AQR: variants seen among roughly 807,000 people sequenced by gnomAD.
AQR encodes RNA helicase aquarius.
AQR carries 61 observed loss-of-function variants against 180.5 expected under a neutral mutation model. The ratio of observed to expected loss-of-function variants is 0.34; its 90% CI spans 0.28 to 0.42. AQR has a LOEUF of 0.42. Ranked by LOEUF, AQR falls within the 10% of genes least tolerant of loss-of-function variation. AQR has a pLI of 1.00. For synonymous variants in AQR, 551 were observed against 588.8 expected, an observed-to-expected ratio of 0.94 and a Z score of 0.93; for missense variants, 1,281 against 1,798.3, an observed-to-expected ratio of 0.71 and a Z score of 5.20.
intron 13 of AQR, among the ~76,000 whole-genome samples, chr15:34,921,488 C>T (rs1247141507): frequency 6.7e-6 from 1 of 149,676 alleles, no homozygotes; most frequent in Non-Finnish European, 1.5e-5. Flanking sequence ...GGACAAATGG[C>T]CAATTTTTTT....
Position 34,890,329 on chromosome 15 carries a change from A to G in AQR, c.2572-5T>C, listed in dbSNP as rs759267649. 9.9e-6 allele frequency: 16 copies of G among 1,610,378 alleles called. No individual in the cohort carries two copies. The South Asian group carries it at 1.6e-4, about 16-fold the overall frequency. On this transcript the variant is annotated splice_polypyrimidine_tract_variant and splice_region_variant and intron_variant, in intron 23 of 34. Transcript: ENST00000156471. The stretch of plus-strand genomic sequence containing the variant: ...CTCAAACAACTGGTTTAGGGCCTAG[A>G]CAATAAAGCAAGAAGGGTGACGGCA...
intron 34 of AQR, 28 bp from the exon 35 acceptor site, chr15:34,857,134 A>C (rs1220689775): frequency 4.6e-6 from 7 of 1,513,418 alleles, no homozygotes; most frequent in African/African-American, 1.4e-5. Flanking sequence ...AACAAAGACA[A>C]TACCAATATG....
chr15:34,889,203 T>C (rs973901889), intron 24 of AQR, among the ~76,000 whole-genome samples: 2 of 152,208 alleles, frequency 1.3e-5, no homozygotes, highest in Non-Finnish European at 2.9e-5. Context: ...TCAAAAGTAT[T>C]ACTGGCTAAT....
At chr15:34,943,453 A>G in intron 6 of AQR, 1 of 463,306 alleles carries the variant, frequency 2.2e-6, no homozygotes, top group Admixed American at 4.0e-5. Context: ...CAAAATAAAT[A>G]AATAAATAAA....
At chr15:34,902,676 A>C (rs984644556) in intron 19 of AQR, among the ~76,000 whole-genome samples, 11 of 152,154 alleles carry the variant, frequency 7.2e-5, no homozygotes, top group Non-Finnish European at 1.3e-4. Flanking sequence ...AGTCAAACAA[A>C]TGAATATAAG....
rs746337676 is a variant in AQR at position 34,934,583 on chromosome 15, C to T, written c.771G>A (p.Met257Ile). The change falls in exon 10 of 35, where the codon ATG becomes ATA. Residue 257 changes from methionine to isoleucine, a missense_variant. Met to Ile is a conservative substitution (Grantham distance 10). Transcript: ENST00000156471. The stretch of plus-strand genomic sequence containing the variant: ...GTAGATTTCTTACCTCTAGATCAAT[C>T]ATAAGTTCAATGAATCTTTCACAGT... ...VHYCERFIEL[M>I]IDLEALLPTR... 5.8e-5 allele frequency: 92 copies of T among 1,593,392 alleles called. No homozygotes were observed. In the Middle Eastern group the frequency reaches 1.9e-3, roughly 33 times the overall value.
chr15:34,960,499 T>C (rs1251579066), intron 3 of AQR, among the ~76,000 whole-genome samples: 2 of 152,178 alleles, frequency 1.3e-5, no homozygotes, highest in Middle Eastern at 3.2e-3. Flanking sequence ...TCAGAAATAA[T>C]ACTAGTAATA....
intron 16 of AQR, among the ~76,000 whole-genome samples, chr15:34,912,196 C>G (rs1893511237): frequency 6.6e-6 from 1 of 152,108 alleles, no homozygotes; most frequent in African/African-American, 2.4e-5. Context: ...AATTTGAAAT[C>G]AGGAAGTATG....
Position 34,918,288 on chromosome 15 carries a change from T to A in AQR, c.1312A>T (p.Ile438Phe). The change falls in exon 15 of 35, where the codon ATT becomes TTT. Residue 438 changes from isoleucine (I) to phenylalanine (F), a missense_variant. Physicochemically the swap from Ile to Phe is conservative, Grantham distance 21. This residue lies in a region of AQR where 200 missense variants were observed against 293.4 expected (regional missense o/e 0.68). Transcript: ENST00000156471. ...CCAGAATAGTACTCAGTTGGGACAATATTTTCATCCCATATAATTTTCTCA... is the reference window on the plus strand; with the variant it reads ...CCAGAATAGTACTCAGTTGGGACAAAATTTTCATCCCATATAATTTTCTCA... ...PTEKIIWDEN[I>F]VPTEYYSGEG... 6.2e-7 allele frequency: 1 copy of A among 1,613,678 alleles called. No homozygotes were observed. The highest frequency in any genetic ancestry group is 8.5e-7 in the Non-Finnish European group (1 of 1,179,762).
At chr15:34,909,057 A>G (rs572170445) in intron 17 of AQR, among the ~76,000 whole-genome samples, 33 of 152,352 alleles carry the variant, frequency 2.2e-4, no homozygotes, top group African/African-American at 7.9e-4. Context: ...CATAAACTAT[A>G]CCCGCTACAG....
chr15:34,892,470 T>C (rs1443958805), intron 23 of AQR, among the ~76,000 whole-genome samples: 1 of 152,190 alleles, frequency 6.6e-6, no homozygotes, highest in African/African-American at 2.4e-5. Context: ...TCCAAATATC[T>C]AACCATATAT....
Position 34,956,174 on chromosome 15 carries a change from TCATAATAAA to T in AQR, c.174-3263_174-3255del, listed in dbSNP as rs1894312971. Among the ~76,000 whole-genome samples, 7 of 152,136 alleles carry T rather than the reference TCATAATAAA, an allele frequency of 4.6e-5. No homozygotes were observed. The South Asian group carries it at 1.4e-3, about 32-fold the overall frequency. ...TTCATGCTGTTTTCTGTGTTACATTTCATAATAAAAGAGTCCATACATTTCAAATAAAAA... is the reference window on the plus strand; with the variant it reads ...TTCATGCTGTTTTCTGTGTTACATTTAGAGTCCATACATTTCAAATAAAAA... On this transcript the variant is annotated intron_variant, in intron 3 of 34. Coordinates refer to ENST00000156471, the MANE Select transcript of AQR (RefSeq NM_014691.3).
At chr15:34,858,349 A>G (rs1166230244) in intron 34 of AQR, among the ~76,000 whole-genome samples, 1 of 151,238 alleles carries the variant, frequency 6.6e-6, no homozygotes, top group African/African-American at 2.4e-5. Context: ...AAAGAAAACG[A>G]AAAAGAAAAA....
At position 34,960,625 on chromosome 15, in the gene AQR, C is replaced by T. The variant is rs368008822; in HGVS notation, c.173+149G>A. 18 of 473,206 alleles carry T rather than the reference C, an allele frequency of 3.8e-5. 2 individuals carry two copies. Among genetic ancestry groups the T allele is most frequent in the East Asian group, 1.2e-4 (2 of 17,246 alleles). 29.3% of individuals were successfully genotyped at this position (473,206 alleles called of 1,614,324 possible). A position where few individuals can be genotyped will look rare whatever the true frequency, so the allele number is the denominator to read the frequency against. ...AGGCAAAAAATAATTTATGACTCTT[C>T]AGCACCTAAAGTTTTTCTAGTCACC... On this transcript the variant is annotated intron_variant, in intron 3 of 34. Transcript: ENST00000156471.
At chr15:34,914,971 G>A in intron 16 of AQR, 67 bp downstream of exon 16, 1 of 1,473,956 alleles carries the variant, frequency 6.8e-7, no homozygotes, top group Non-Finnish European at 9.1e-7. Flanking sequence ...TACTTATAAG[G>A]TTTCTGACAG....
intron 15 of AQR, 87 bp downstream of exon 15, chr15:34,918,171 C>A: frequency 7.1e-7 from 1 of 1,412,910 alleles, no homozygotes; most frequent in Admixed American, 1.9e-5. Flanking sequence ...AGAGTAGACT[C>A]AAGTACACTG....
chr15:34,877,475 T>C (rs973179932), intron 27 of AQR, among the ~76,000 whole-genome samples: 1 of 152,168 alleles, frequency 6.6e-6, no homozygotes, highest in African/African-American at 2.4e-5. Flanking sequence ...GGCATTTCCC[T>C]ATTATAATGA....
intron 16 of AQR, among the ~76,000 whole-genome samples, chr15:34,913,583 T>G (rs1893532149): frequency 6.6e-6 from 1 of 152,144 alleles, no homozygotes; most frequent in South Asian, 2.1e-4. Flanking sequence ...TAAAAAAAAT[T>G]TTTTTTATTA....
Position 34,918,143 on chromosome 15 carries a change from G to C in AQR, c.1342+115C>G, listed in dbSNP as rs1244987523. On this transcript the variant is annotated intron_variant, in intron 15 of 34. Coordinates refer to ENST00000156471, the MANE Select transcript of AQR (RefSeq NM_014691.3). ...TCTAAAGTTAACTTCTGGGCACCAG[G>C]AAATTATCCTAATGTACAGAGTAGA... The C allele has an allele frequency of 6.3e-6, 7 of 1,111,774 alleles. No homozygotes were observed. In the East Asian group the frequency reaches 1.2e-4, roughly 20 times the overall value. 68.9% of individuals were successfully genotyped at this position (1,111,774 alleles called of 1,614,324 possible).
Sources: gnomAD v4.1 joint callset for allele counts (sites outside exome capture counted in the v4.1 genomes callset) on GRCh38, gnomAD v4.1.1 for gene constraint, gnomAD v4.1.1 regional missense constraint, MANE v1.5 for transcripts, NCBI Gene and HGNC (gene_info 2026-07-23, HGNC 2026-07-21) for gene names.